ATP10A: variants seen among roughly 807,000 people sequenced by gnomAD.
ATP10A encodes ATPase phospholipid transporting 10A (putative).
ATP10A carries 111 observed loss-of-function variants against 147.8 expected under a neutral mutation model. The ratio of observed to expected loss-of-function variants is 0.75; its 90% confidence interval spans 0.64 to 0.88. The LOEUF (loss-of-function observed/expected upper bound fraction) is 0.88. ATP10A is among the 40% of genes least tolerant of loss of function. ATP10A has a pLI of 0.00. For missense variants in ATP10A, 1,927 were observed against 1,959.0 expected, an observed-to-expected ratio of 0.98 and a Z score of 0.31; for synonymous variants, 875 against 841.6, an observed-to-expected ratio of 1.04 and a Z score of -0.69.
chr15:25,804,119 C>T (rs142160301), intron 1 of ATP10A, among the ~76,000 whole-genome samples: 1 of 124,416 alleles, frequency 8.0e-6, no homozygotes, highest in African/African-American at 3.1e-5. Context: ...TGTGAGTGTG[C>T]GGTGTGTGTG....
intron 16 of ATP10A, among the ~76,000 whole-genome samples, chr15:25,685,580 CCA>C (rs1401018228): frequency 6.6e-6 from 1 of 152,008 alleles, no homozygotes; most frequent in Non-Finnish European, 1.5e-5. Context: ...GCCTATAATA[CCA>C]CACTTTGGGA....
intron 2 of ATP10A, among the ~76,000 whole-genome samples, chr15:25,761,408 G>A (rs772219275): frequency 6.6e-6 from 1 of 152,246 alleles, no homozygotes; most frequent in Non-Finnish European, 1.5e-5. Flanking sequence ...ACCTAGTGGA[G>A]CTGTGAGAAG....
chr15:25,755,516 G>A (rs994114558), intron 2 of ATP10A, among the ~76,000 whole-genome samples: 2 of 152,146 alleles, frequency 1.3e-5, no homozygotes, highest in African/African-American at 4.8e-5. Context: ...GACTGCCCTG[G>A]AGCACTTTCT....
chr15:25,700,247 A>G (rs1209066979), intron 13 of ATP10A, among the ~76,000 whole-genome samples: 1 of 152,252 alleles, frequency 6.6e-6, no homozygotes, highest in African/African-American at 2.4e-5. Context: ...AAGTGCTGGA[A>G]AAGACACTGA....
chr15:25,723,125 G>C (rs181362594), intron 6 of ATP10A, among the ~76,000 whole-genome samples: 61 of 152,210 alleles, frequency 4.0e-4, no homozygotes, highest in Non-Finnish European at 7.2e-4. Context: ...GAGGTGGGTG[G>C]ATCACTTGAG....
At chr15:25,738,599 C>T (rs986176481) in intron 2 of ATP10A, 1 of 152,218 alleles carries the variant, frequency 6.6e-6, no homozygotes, top group Admixed American at 6.5e-5. Context: ...ACAATTTAAA[C>T]ATTTTTAAGT....
chr15:25,765,990 C>G (rs1439491780), intron 2 of ATP10A, among the ~76,000 whole-genome samples: 1 of 152,140 alleles, frequency 6.6e-6, no homozygotes, highest in Non-Finnish European at 1.5e-5. Context: ...AAGACATACC[C>G]AAAACTGGGA....
downstream of ATP10A, chr15:25,678,253 A>G (rs1238967368): frequency 1.3e-5 from 2 of 151,968 alleles, no homozygotes; most frequent in African/African-American, 2.4e-5. Flanking sequence ...CTCAGATCCT[A>G]TGCCCTCTCT....
In ATP10A at chr15:25,843,568, A is replaced by G. The variant is rs1257433275; in HGVS notation, c.449+19080T>C. ...CCCGCATCACAGCAAAAGCAGGCAC[A>G]GAGGCTTAGAGCCCTCTTAGACACC... On this transcript the variant is annotated intron_variant, in intron 1 of 20. Coordinates refer to ENST00000555815, the MANE Select transcript of ATP10A (RefSeq NM_024490.4). 4.6e-5 allele frequency among the ~76,000 whole-genome samples: 7 copies of G among 152,206 alleles called. No individual in the cohort carries two copies. The East Asian group carries it at 1.3e-3, about 29-fold the overall frequency.
At chr15:25,829,164 A>G (rs1892246809) in intron 1 of ATP10A, among the ~76,000 whole-genome samples, 1 of 152,170 alleles carries the variant, frequency 6.6e-6, no homozygotes, top group Non-Finnish European at 1.5e-5. Flanking sequence ...AATGTGGTGA[A>G]AAGTGCCTCT....
intron 10 of ATP10A, among the ~76,000 whole-genome samples, chr15:25,713,212 C>T (rs144981826): frequency 3.8e-4 from 58 of 152,216 alleles, no homozygotes; most frequent in East Asian, 2.5e-3. Context: ...GAGGGGGGCT[C>T]GGCCCTTCCC....
At chr15:25,826,492 G>A (rs1469015611) in intron 1 of ATP10A, among the ~76,000 whole-genome samples, 1 of 152,190 alleles carries the variant, frequency 6.6e-6, no homozygotes, top group Non-Finnish European at 1.5e-5. Context: ...CACCCAAGAG[G>A]TGGAGGTTGC....
intron 7 of ATP10A, among the ~76,000 whole-genome samples, chr15:25,719,916 A>G (rs1301975266): frequency 4.6e-5 from 7 of 152,202 alleles, no homozygotes; most frequent in African/African-American, 1.7e-4. Flanking sequence ...AGGTCAGATC[A>G]TAAGATAACT....
intron 10 of ATP10A, chr15:25,710,568 C>T (rs927378999): frequency 2.0e-5 from 3 of 152,142 alleles, no homozygotes; most frequent in African/African-American, 7.2e-5. Flanking sequence ...GATTTTACCA[C>T]GTGCTTTAAA....
chr15:25,701,634 G>T (rs4906619), intron 13 of ATP10A, among the ~76,000 whole-genome samples: 117,760 of 152,116 alleles, frequency 0.77, 46,198 homozygotes, highest in South Asian at 0.9. Context: ...TGGAAGCACA[G>T]GGGACCTCAC....
At chr15:25,687,604 GCC>G in intron 16 of ATP10A, 97 bp downstream of exon 16, 1 of 777,482 alleles carries the variant, frequency 1.3e-6, no homozygotes, top group Non-Finnish European at 1.6e-6. Flanking sequence ...GTTGTCCATG[GCC>G]TCCCATCTGC....
chr15:25,861,123 C>T (rs1893741171), intron 1 of ATP10A, among the ~76,000 whole-genome samples: 1 of 151,106 alleles, frequency 6.6e-6, no homozygotes, highest in South Asian at 2.1e-4. Context: ...TGCTGACTGG[C>T]CAAAGAGCAA....
intron 14 of ATP10A, among the ~76,000 whole-genome samples, chr15:25,694,433 A>T (rs1299827655): frequency 6.6e-6 from 1 of 152,202 alleles, no homozygotes; most frequent in Non-Finnish European, 1.5e-5. Context: ...CATGGTGACC[A>T]GAAGCAGCTG....
At chr15:25,751,674 C>A (rs548439332) in intron 2 of ATP10A, among the ~76,000 whole-genome samples, 14 of 152,100 alleles carry the variant, frequency 9.2e-5, no homozygotes, top group Admixed American at 7.9e-4. Context: ...TCCTGCACAG[C>A]AAAAGAACAA....
Sources: gnomAD v4.1 joint callset for allele counts (sites outside exome capture counted in the v4.1 genomes callset) on GRCh38, gnomAD v4.1.1 for gene constraint, MANE v1.5 for transcripts, NCBI Gene and HGNC (gene_info 2026-07-23, HGNC 2026-07-21) for gene names.